The following LMCD1 variants were observed in gnomAD, a reference collection of about 807,000 sequenced individuals.
LMCD1 encodes the protein LIM and cysteine-rich domains protein 1.
In LMCD1, 32 loss-of-function variants were observed where a neutral mutation model predicts 42.7. The ratio of observed to expected loss-of-function variants is 0.75; its 90% CI spans 0.57 to 1.01. The LOEUF (loss-of-function observed/expected upper bound fraction) is 1.01, where lower values mean the gene tolerates loss of function less well. Among genes scored for constraint, LMCD1 ranks in the 50% least tolerant of loss-of-function variants. The pLI is 0.00. For synonymous variants in LMCD1, 178 were observed against 184.9 expected, an observed-to-expected ratio of 0.96 and a Z score of 0.30; for missense variants, 458 against 483.1, an observed-to-expected ratio of 0.95 and a Z score of 0.49.
At chr3:8,560,261 G>A (rs1169027658) in intron 4 of LMCD1, among the ~76,000 whole-genome samples, 2 of 152,110 alleles carry the variant, frequency 1.3e-5, no homozygotes, top group Non-Finnish European at 2.9e-5. Flanking sequence ...TTTTTAAAAT[G>A]TCTTAAAAAG....
intron 3 of LMCD1, among the ~76,000 whole-genome samples, chr3:8,547,993 A>G (rs1243805811): frequency 2.0e-5 from 3 of 152,378 alleles, no homozygotes; most frequent in Admixed American, 1.3e-4. Context: ...ATTGTACAGC[A>G]TGTGACTGTA....
In LMCD1 at chr3:8,552,329, A is replaced by G. The variant is rs567771827; in HGVS notation, c.723+3426A>G. 2.0e-5 allele frequency among the ~76,000 whole-genome samples: 3 copies of G among 152,318 alleles called. No homozygotes were observed. In the South Asian group the frequency reaches 6.2e-4, roughly 32 times the overall value. Reference sequence around the variant, plus strand: ...CTTATTCCTGGGAGAGCTACCAGATATTCTGGACCATAAAAGGATCATGTG... The same window carrying G: ...CTTATTCCTGGGAGAGCTACCAGATGTTCTGGACCATAAAAGGATCATGTG... On this transcript the variant is annotated intron_variant, in intron 4 of 5. Coordinates refer to ENST00000157600, the MANE Select transcript of LMCD1 (RefSeq NM_014583.4).
intron 5 of LMCD1, 25 bp downstream of exon 5, chr3:8,565,672 T>C (rs2125041376): frequency 6.4e-7 from 1 of 1,559,474 alleles, no homozygotes. Flanking sequence ...CGAGATGGGT[T>C]AGGGGGCTTG....
At chr3:8,565,369 G>A (rs1695109941) in intron 4 of LMCD1, 63 bp from the exon 5 acceptor site, 4 of 1,452,262 alleles carry the variant, frequency 2.8e-6, no homozygotes, top group East Asian at 2.3e-5. Context: ...GCTGGAATTC[G>A]AACCCATGTC....
intron 3 of LMCD1, among the ~76,000 whole-genome samples, chr3:8,546,268 T>G (rs1694733293): frequency 6.6e-6 from 1 of 152,226 alleles, no homozygotes; most frequent in South Asian, 2.1e-4. Flanking sequence ...CGATAGCTGA[T>G]GAGCTTAAAA....
chr3:8,508,228 T>C (rs1050178375), intron 1 of LMCD1, among the ~76,000 whole-genome samples: 4 of 152,192 alleles, frequency 2.6e-5, no homozygotes, highest in African/African-American at 9.6e-5. Context: ...GCCCTGGGGA[T>C]AAGGTTGGCC....
intron 4 of LMCD1, among the ~76,000 whole-genome samples, chr3:8,554,941 C>T (rs994659040): frequency 4.6e-5 from 7 of 152,130 alleles, no homozygotes; most frequent in South Asian, 2.1e-4. Flanking sequence ...CCATTCCTGC[C>T]GGGCGCCTCC....
intron 3 of LMCD1, among the ~76,000 whole-genome samples, chr3:8,540,914 A>G (rs1018548539): frequency 1.3e-5 from 2 of 152,124 alleles, no homozygotes; most frequent in African/African-American, 4.8e-5. Context: ...GGCAGGCATT[A>G]CTTATCAGTC....
chr3:8,553,210 C>T (rs866407858), intron 4 of LMCD1, among the ~76,000 whole-genome samples: 2 of 152,196 alleles, frequency 1.3e-5, no homozygotes, highest in East Asian at 1.9e-4. Flanking sequence ...ACCCACCCCC[C>T]GACACACACA....
chr3:8,566,903 A>C (rs1695141084), intron 5 of LMCD1, among the ~76,000 whole-genome samples: 1 of 152,232 alleles, frequency 6.6e-6, no homozygotes, highest in South Asian at 2.1e-4. Flanking sequence ...AAAGTCACAA[A>C]GCTGGTAGAT....
intron 1 of LMCD1, chr3:8,514,861 T>C (rs1429540866): frequency 2.2e-6 from 1 of 447,056 alleles, no homozygotes; most frequent in Non-Finnish European, 4.5e-6. Context: ...GAGGTGTTTA[T>C]TGAATAGAAA....
chr3:8,550,044 A>G, intron 4 of LMCD1: 2 of 1,494,344 alleles, frequency 1.3e-6, no homozygotes, highest in Non-Finnish European at 1.8e-6. Context: ...GGGATGTTCA[A>G]CCCATAGGAA....
rs977549900 is a variant in LMCD1 at position 8,572,280 on chromosome 3, T to G, written c.*4682T>G. ...AGAAGTGATGTTGTTTTCTTTCTGT[T>G]GCATCCAATCAGATGATACAGGATT... On this transcript the variant is annotated 3_prime_UTR_variant, in exon 6 of 6. Transcript: ENST00000157600. The G allele has an allele frequency of 6.6e-6, 1 of 152,266 alleles. No individual in the cohort carries two copies. Among genetic ancestry groups the G allele is most frequent in the Non-Finnish European group, 1.5e-5 (1 of 68,042 alleles). 9.4% of individuals were successfully genotyped at this position (152,266 alleles called of 1,614,324 possible). A position where few individuals can be genotyped will look rare whatever the true frequency, so the allele number is the denominator to read the frequency against.
At chr3:8,567,090 C>A (rs1695143247) in intron 5 of LMCD1, among the ~76,000 whole-genome samples, 1 of 152,186 alleles carries the variant, frequency 6.6e-6, no homozygotes, top group Admixed American at 6.5e-5. Context: ...TGATGATTGG[C>A]CATTGGCAGT....
At chr3:8,520,953 C>T (rs538644976) in intron 1 of LMCD1, among the ~76,000 whole-genome samples, 82 of 152,266 alleles carry the variant, frequency 5.4e-4, no homozygotes, top group African/African-American at 1.2e-3. Context: ...TCTGAAACAG[C>T]GGAAAATGGT....
Position 8,502,354 on chromosome 3 carries a change from AAT to A in LMCD1, c.42+381_42+382del, listed in dbSNP as rs1693763254. Among the ~76,000 whole-genome samples the A allele has an allele frequency of 2.3e-5, 2 of 86,404 alleles. 1 individual carries two copies. The highest frequency in any genetic ancestry group is 4.1e-5 in the Non-Finnish European group (2 of 48,654). 56.7% of individuals were successfully genotyped at this position (86,404 alleles called of 152,430 possible). A position where few individuals can be genotyped will look rare whatever the true frequency, so the allele number is the denominator to read the frequency against. On this transcript the variant is annotated intron_variant, in intron 1 of 5. Coordinates refer to ENST00000157600, the MANE Select transcript of LMCD1 (RefSeq NM_014583.4). Reference sequence around the variant, plus strand: ...AATATATATTATATATAAAATATATAATATATATTATATAAAATATATATAAT... The same window carrying A: ...AATATATATTATATATAAAATATATAATATATTATATAAAATATATATAAT...
chr3:8,509,933 A>G (rs973881772), intron 1 of LMCD1, among the ~76,000 whole-genome samples: 1 of 152,246 alleles, frequency 6.6e-6, no homozygotes, highest in Non-Finnish European at 1.5e-5. Flanking sequence ...GTGGTCCCTC[A>G]GCCTTCCTAC....
At chr3:8,539,826 T>TTATTAG (rs1694586581) in intron 3 of LMCD1, among the ~76,000 whole-genome samples, 1 of 148,294 alleles carries the variant, frequency 6.7e-6, no homozygotes, top group African/African-American at 2.5e-5. Context: ...ATTATTATTA[T>TTATTAG]TATTATTATT....
intron 1 of LMCD1, among the ~76,000 whole-genome samples, chr3:8,519,959 G>T (rs1204981104): frequency 1.3e-5 from 2 of 151,900 alleles, no homozygotes; most frequent in East Asian, 3.9e-4. Flanking sequence ...TGCTTCCATT[G>T]TCATAATAGT....
Sources: allele counts gnomAD v4.1 joint callset (sites outside exome capture counted in the v4.1 genomes callset), GRCh38; gene constraint gnomAD v4.1.1; transcripts MANE v1.5; gene names NCBI Gene and HGNC (gene_info 2026-07-23, HGNC 2026-07-21).